ABHD6: variants seen among roughly 807,000 people sequenced by gnomAD.
The protein encoded by ABHD6 is monoacylglycerol lipase ABHD6.
ABHD6 carries 33 observed loss-of-function variants against 38.8 expected under a neutral mutation model. That is an observed-to-expected ratio of 0.85 (90% CI 0.64 to 1.14). The LOEUF (loss-of-function observed/expected upper bound fraction) is 1.14, where lower values mean the gene tolerates loss of function less well. Among genes scored for constraint, ABHD6 ranks in the 50% most tolerant of loss-of-function variants. ABHD6 has a pLI of 0.00. For missense variants in ABHD6, 380 were observed against 422.6 expected (o/e 0.90, Z 0.88); for synonymous variants, 147 against 161.6 (o/e 0.91, Z 0.69).
chr3:58,277,662 G>A (rs555458208), intron 7 of ABHD6, among the ~76,000 whole-genome samples: 1 of 152,338 alleles, frequency 6.6e-6, no homozygotes, highest in East Asian at 1.9e-4. Context: ...TAGGAGTGGT[G>A]AGAGAGGGCA....
chr3:58,281,582 C>T (rs1002859570), intron 7 of ABHD6, among the ~76,000 whole-genome samples: 13 of 152,206 alleles, frequency 8.5e-5, no homozygotes, highest in East Asian at 1.9e-4. Context: ...TGCTTCAGCT[C>T]GCCCTCTGTG....
At chr3:58,264,702 C>A (rs958703803) in intron 3 of ABHD6, among the ~76,000 whole-genome samples, 3 of 151,872 alleles carry the variant, frequency 2.0e-5, no homozygotes, top group African/African-American at 7.3e-5. Context: ...ACAAAAAACC[C>A]CACCACTTTT....
rs138169970 is a variant in ABHD6 at position 58,263,597 on chromosome 3, A to T, written c.120-3592A>T. On this transcript the variant is annotated intron_variant, in intron 3 of 9. Coordinates refer to ENST00000478253, the MANE Select transcript of ABHD6 (RefSeq NM_001320126.2). The surrounding 1 kb of genome is among the most constrained non-coding windows in gnomAD (Gnocchi z 4.9). ...GTCTCTTCATTCTGGTTCAAGTCAT[A>T]CTTGGCTCTCCCCGAGGCCCTTGCC... is the stretch of plus-strand genomic sequence containing the variant. Among the ~76,000 whole-genome samples the T allele has an allele frequency of 1.3e-5, 2 of 152,292 alleles. No individual in the cohort carries two copies. Among genetic ancestry groups the T allele is most frequent in the Admixed American group, 6.5e-5 (1 of 15,304 alleles).
intron 9 of ABHD6, among the ~76,000 whole-genome samples, chr3:58,289,913 G>A (rs1322844935): frequency 4.1e-5 from 6 of 146,090 alleles, no homozygotes; most frequent in South Asian, 2.1e-4. Flanking sequence ...CGGGCAGAGG[G>A]GCTCCTCACT....
chr3:58,276,365 A>C (rs1483182628), intron 7 of ABHD6, among the ~76,000 whole-genome samples: 1 of 152,194 alleles, frequency 6.6e-6, no homozygotes, highest in Admixed American at 6.5e-5. Context: ...TCTGATGACC[A>C]GTGATGATGA....
At position 58,285,289 on chromosome 3, in the gene ABHD6, A is replaced by G; in HGVS notation, c.737-64A>G. The G allele has an allele frequency of 6.4e-7, 1 of 1,564,856 alleles. No homozygotes were observed. Among genetic ancestry groups the G allele is most frequent in the East Asian group, 2.2e-5 (1 of 44,584 alleles). ...GCCTGGATCTGGTGACTATCCCTTG[A>G]TTCTGCGGTGGTGCCACAGGCACAG... is the stretch of plus-strand genomic sequence containing the variant. On this transcript the variant is annotated intron_variant, in intron 8 of 9. Coordinates refer to ENST00000478253, the MANE Select transcript of ABHD6 (RefSeq NM_001320126.2). The surrounding 1 kb of genome is among the most constrained non-coding windows in gnomAD (Gnocchi z 4.9).
chr3:58,288,437 C>G (rs2097459082), intron 9 of ABHD6, among the ~76,000 whole-genome samples: 1 of 152,192 alleles, frequency 6.6e-6, no homozygotes, highest in Non-Finnish European at 1.5e-5. Flanking sequence ...AGCATCGCTC[C>G]TCTATGTTCA....
intron 3 of ABHD6, among the ~76,000 whole-genome samples, chr3:58,262,184 TGAG>T (rs2097437465): frequency 1.3e-5 from 2 of 152,144 alleles, no homozygotes; most frequent in Middle Eastern, 3.4e-3. Flanking sequence ...CTGGGGGAAA[TGAG>T]GAGTTAATGT....
At position 58,263,837 on chromosome 3, in the gene ABHD6, T is replaced by C. The variant is rs943934036; in HGVS notation, c.120-3352T>C. 1.3e-5 allele frequency among the ~76,000 whole-genome samples: 2 copies of C among 152,122 alleles called. No homozygotes were observed. The highest frequency in any genetic ancestry group is 2.4e-5 in the African/African-American group (1 of 41,444). On this transcript the variant is annotated intron_variant, in intron 3 of 9. Coordinates refer to ENST00000478253, the MANE Select transcript of ABHD6 (RefSeq NM_001320126.2). The surrounding 1 kb of genome is among the most constrained non-coding windows in gnomAD (Gnocchi z 4.9). ...TCCCAGTACCAAAAATAAAAAATAA[T>C]AAATAATTTAAAAATAAAAAGGTAA...
chr3:58,248,326 C>T (rs1033355095), intron 1 of ABHD6, among the ~76,000 whole-genome samples: 1 of 152,128 alleles, frequency 6.6e-6, no homozygotes, highest in East Asian at 1.9e-4. Context: ...AATCTTTTGC[C>T]ATTATGAATA....
intron 9 of ABHD6, among the ~76,000 whole-genome samples, chr3:58,289,883 TC>T (rs1218809502): frequency 8.1e-6 from 1 of 122,880 alleles, no homozygotes; most frequent in African/African-American, 3.6e-5. Flanking sequence ...CCCACCTCCC[TC>T]CCGGACGGGG....
In ABHD6 at chr3:58,293,661, T is replaced by C. The variant is rs777578526; in HGVS notation, c.910T>C (p.Cys304Arg). The change falls in exon 10 of 10, where the codon TGT becomes CGT. Residue 304 changes from cysteine to arginine, a missense_variant. By Grantham distance (180) the Cys-to-Arg change is radical. Transcript: ENST00000478253. This position sits in a 1 kb window ranked among gnomAD's most constrained non-coding sequence, Gnocchi z 4.4. ...CTGCCAGGTGGAGCTTCTGGAAAACTGTGGGCACTCAGTAGTGATGGAAAG... is the reference window on the plus strand; with the variant it reads ...CTGCCAGGTGGAGCTTCTGGAAAACCGTGGGCACTCAGTAGTGATGGAAAG... ...ANCQVELLEN[C>R]GHSVVMERPR... 1 of 1,614,220 alleles carries C rather than the reference T, an allele frequency of 6.2e-7. No individual in the cohort carries two copies. The highest frequency in any genetic ancestry group is 8.5e-7 in the Non-Finnish European group (1 of 1,180,036).
At chr3:58,280,149 G>C (rs1193726764) in intron 7 of ABHD6, among the ~76,000 whole-genome samples, 5 of 152,094 alleles carry the variant, frequency 3.3e-5, no homozygotes, top group African/African-American at 1.2e-4. Context: ...TTGCTAGGTT[G>C]GGGAAGTTCT....
chr3:58,274,899 C>T, intron 7 of ABHD6, 84 bp downstream of exon 7: 1 of 1,471,012 alleles, frequency 6.8e-7, no homozygotes, highest in Non-Finnish European at 9.2e-7. Flanking sequence ...TTCCCTCCTT[C>T]ACCTACTCAT....
At chr3:58,262,506 C>T (rs2097437718) in intron 3 of ABHD6, among the ~76,000 whole-genome samples, 1 of 152,154 alleles carries the variant, frequency 6.6e-6, no homozygotes, top group Admixed American at 6.5e-5. Context: ...ACTTCTGTCC[C>T]TGAAACAGGA....
rs2097439346 is a variant in ABHD6, at chr3:58,264,406, C to T, written c.120-2783C>T. Among the ~76,000 whole-genome samples, 2 of 108,724 alleles carry T rather than the reference C, an allele frequency of 1.8e-5. 1 individual carries two copies. Among genetic ancestry groups the T allele is most frequent in the South Asian group, 5.1e-4 (2 of 3,924 alleles). The allele number at this position is 108,724 out of a possible 152,430, so 71.3% of individuals were successfully genotyped here. A position where few individuals can be genotyped will look rare whatever the true frequency, so the allele number is the denominator to read the frequency against. On this transcript the variant is annotated intron_variant, in intron 3 of 9. Transcript: ENST00000478253. ...ATAAACGCACACACACACACACACA[C>T]ACACACACACACACACACACACACA...
chr3:58,270,618 C>T (rs1462860570), intron 5 of ABHD6, among the ~76,000 whole-genome samples: 12 of 152,030 alleles, frequency 7.9e-5, no homozygotes, highest in South Asian at 2.1e-4. Context: ...GCCATGATCA[C>T]GCCACTGCAC....
intron 9 of ABHD6, among the ~76,000 whole-genome samples, chr3:58,292,417 C>G (rs950266123): frequency 6.6e-6 from 1 of 152,042 alleles, no homozygotes; most frequent in Non-Finnish European, 1.5e-5. Context: ...GAATGCGGAT[C>G]CACTTCTGAG....
rs1446364947 is a variant in ABHD6 at position 58,289,230 on chromosome 3, TTTTTTTA to T, written c.837+3784_837+3790del. Among the ~76,000 whole-genome samples, 34 of 151,136 alleles carry T rather than the reference TTTTTTTA, an allele frequency of 2.2e-4. 1 individual carries two copies. The highest frequency in any genetic ancestry group is 8.0e-4 in the African/African-American group (33 of 41,066). The stretch of plus-strand genomic sequence containing the variant: ...CCACCACACCCGGGTAATTTTTTAT[TTTTTTTA>T]TTTTTTTATTTTTTTTATTGATCAT... On this transcript the variant is annotated intron_variant, in intron 9 of 9. Coordinates refer to ENST00000478253, the MANE Select transcript of ABHD6 (RefSeq NM_001320126.2).
Sources: allele counts gnomAD v4.1 joint callset (sites outside exome capture counted in the v4.1 genomes callset), GRCh38; gene constraint gnomAD v4.1.1; non-coding constraint Gnocchi (gnomAD v3.1); transcripts MANE v1.5; gene names NCBI Gene and HGNC (gene_info 2026-07-23, HGNC 2026-07-21).